The following FUNDC2 variants were observed in gnomAD, a reference collection of about 807,000 sequenced individuals.
The protein encoded by FUNDC2 is FUN14 domain-containing protein 2.
A neutral mutation model predicts 15.6 loss-of-function variants in FUNDC2; 4 were observed. That is an observed-to-expected ratio of 0.26 (90% CI 0.13 to 0.59). FUNDC2 has a LOEUF of 0.59. FUNDC2 is among the 20% of genes least tolerant of loss of function. The pLI is 0.90. For synonymous variants in FUNDC2, 44 were observed against 56.9 expected, an observed-to-expected ratio of 0.77 and a Z score of 1.02; for missense variants, 98 against 149.7, an observed-to-expected ratio of 0.65 and a Z score of 1.80.
At position 155,054,689 on chromosome X, in the gene FUNDC2, T is replaced by C. The variant is rs782008229; in HGVS notation, c.*17T>C. ...GCATCCTAAGGAAGATGACCTCATGTTCATTGTTCCTGGTTTTTTCCAGCC... is the reference window on the plus strand; with the variant it reads ...GCATCCTAAGGAAGATGACCTCATGCTCATTGTTCCTGGTTTTTTCCAGCC... On this transcript the variant is annotated 3_prime_UTR_variant, in exon 5 of 5. Transcript: ENST00000369498. 2 of 1,188,517 alleles carry C rather than the reference T, an allele frequency of 1.7e-6. No individual in the cohort carries two copies. Among genetic ancestry groups the C allele is most frequent in the Admixed American group, 4.3e-5 (2 of 45,993 alleles).
At chrX:155,046,250 T>C (rs1204552714) in intron 2 of FUNDC2, among the ~76,000 whole-genome samples, 7 of 111,012 alleles carry the variant, frequency 6.3e-5, no homozygotes, top group Non-Finnish European at 1.3e-4. Context: ...CCCCCTTTAA[T>C]CTCTTCTCCA....
Position 155,055,566 on chromosome X carries a change from A to G in FUNDC2, c.*894A>G, listed in dbSNP as rs2073891854. 4.0e-6 allele frequency: 1 copy of G among 250,617 alleles called. No individual in the cohort carries two copies. The highest frequency in any genetic ancestry group is 2.8e-5 in the African/African-American group (1 of 35,174). 20.7% of individuals were successfully genotyped at this position (250,617 alleles called of 1,213,427 possible). On this transcript the variant is annotated 3_prime_UTR_variant, in exon 5 of 5. Coordinates refer to ENST00000369498, the MANE Select transcript of FUNDC2 (RefSeq NM_023934.4). Reference sequence around the variant, plus strand: ...AGGACATGAGAAATAAATTTCCATCAAGTGTAATCTACCGTCTCATGATGA... The same window carrying G: ...AGGACATGAGAAATAAATTTCCATCGAGTGTAATCTACCGTCTCATGATGA...
chrX:155,028,119 G>GAGCAGACTGCTCTTATAGAC (rs1569560146), intron 1 of FUNDC2, among the ~76,000 whole-genome samples: 24 of 66,511 alleles, frequency 3.6e-4, no homozygotes, highest in African/African-American at 1.5e-3. Context: ...GCTCTTATAG[G>GAGCAGACTGCTCTTATAGAC]TTGATCAGGT....
In FUNDC2 at chrX:155,056,636, ATCTGGGTC is replaced by A. The variant is rs1477475557; in HGVS notation, c.*1972_*1979del. The A allele has an allele frequency of 1.8e-5, 2 of 110,178 alleles. No homozygotes were observed. Among genetic ancestry groups the A allele is most frequent in the Non-Finnish European group, 3.8e-5 (2 of 52,834 alleles). The allele number at this position is 110,178 out of a possible 1,213,427, so 9.1% of individuals were successfully genotyped here. On this transcript the variant is annotated 3_prime_UTR_variant, in exon 5 of 5. Coordinates refer to ENST00000369498, the MANE Select transcript of FUNDC2 (RefSeq NM_023934.4). The stretch of plus-strand genomic sequence containing the variant: ...TTCCCCACACTCTGCCTCTCCTGAC[ATCTGGGTC>A]TCTGGGTTATGCCATATATGGTGAT...
At chrX:155,034,622 C>A (rs1603438553) in intron 2 of FUNDC2, among the ~76,000 whole-genome samples, 2 of 112,181 alleles carry the variant, frequency 1.8e-5, no homozygotes, top group East Asian at 5.6e-4. Flanking sequence ...AGTTTACAGT[C>A]CCAGCAAGGA....
At position 155,058,545 on chromosome X, in the gene FUNDC2, T is replaced by G. The variant is rs1401753833; in HGVS notation, c.*3873T>G. The G allele has an allele frequency of 9.1e-6, 1 of 110,306 alleles. No homozygotes were observed. The highest frequency in any genetic ancestry group is 3.3e-5 in the African/African-American group (1 of 30,211). The allele number at this position is 110,306 out of a possible 1,213,427, so 9.1% of individuals were successfully genotyped here. The stretch of plus-strand genomic sequence containing the variant: ...TTCTCAGAGGGAAGCTCACAGCCAG[T>G]TTTGGACCCCAGAGAAAAATGTGGC... On this transcript the variant is annotated 3_prime_UTR_variant, in exon 5 of 5. Coordinates refer to ENST00000369498, the MANE Select transcript of FUNDC2 (RefSeq NM_023934.4).
chrX:155,054,583 T>C lies in FUNDC2; in HGVS notation c.493-12T>C. The C allele has an allele frequency of 2.5e-6, 3 of 1,210,906 alleles. No homozygotes were observed. The highest frequency in any genetic ancestry group is 2.2e-6 in the Non-Finnish European group (2 of 894,829). ...TAGCAAAACAACCCATTGTACTATC[T>C]TCTGTTTTCAGGTGGTGTCATTTGT... On this transcript the variant is annotated splice_polypyrimidine_tract_variant and intron_variant, in intron 4 of 4. Coordinates refer to ENST00000369498, the MANE Select transcript of FUNDC2 (RefSeq NM_023934.4).
intron 1 of FUNDC2, among the ~76,000 whole-genome samples, chrX:155,029,427 T>C (rs1424281630): frequency 8.9e-6 from 1 of 112,059 alleles, no homozygotes; most frequent in African/African-American, 3.2e-5. Context: ...TATCTTCATA[T>C]GAATTTTAGA....
At chrX:155,045,771 A>G (rs2073860297) in intron 2 of FUNDC2, among the ~76,000 whole-genome samples, 1 of 111,752 alleles carries the variant, frequency 8.9e-6, no homozygotes, top group African/African-American at 3.3e-5. Context: ...GATTTTTTCA[A>G]CAATGGTTAA....
chrX:155,051,857 T>C (rs2073880551), intron 4 of FUNDC2, 56 bp downstream of exon 4: 2 of 1,145,046 alleles, frequency 1.7e-6, no homozygotes, highest in Non-Finnish European at 2.4e-6. Flanking sequence ...AAAACAGGGC[T>C]TAACCCTATT....
chrX:155,042,593 GTCC>G (rs2088728240), intron 2 of FUNDC2, among the ~76,000 whole-genome samples: 1 of 111,258 alleles, frequency 9.0e-6, no homozygotes, highest in South Asian at 3.7e-4. Context: ...ATTTTTTTCT[GTCC>G]TCCTTCAGTG....
chrX:155,038,087 C>T (rs980096396), intron 2 of FUNDC2, among the ~76,000 whole-genome samples: 1 of 108,107 alleles, frequency 9.3e-6, no homozygotes, highest in Non-Finnish European at 1.9e-5. Context: ...ATTAGCCGGG[C>T]GTGGTGGTAT....
chrX:155,056,287 A>G lies in FUNDC2; in HGVS notation c.*1615A>G, dbSNP rs1305169230. The stretch of plus-strand genomic sequence containing the variant: ...CAGTTATTGTGAAACAAATATCAAA[A>G]TGTCATTTTATCATATTTCAGTATG... On this transcript the variant is annotated 3_prime_UTR_variant, in exon 5 of 5. Coordinates refer to ENST00000369498, the MANE Select transcript of FUNDC2 (RefSeq NM_023934.4). 5.4e-5 allele frequency: 6 copies of G among 111,925 alleles called. No homozygotes were observed. Among genetic ancestry groups the G allele is most frequent in the African/African-American group, 2.0e-4 (6 of 30,742 alleles). The allele number at this position is 111,925 out of a possible 1,213,427, so 9.2% of individuals were successfully genotyped here. A position where few individuals can be genotyped will look rare whatever the true frequency, so the allele number is the denominator to read the frequency against.
chrX:155,039,903 T>A (rs1349004527), intron 2 of FUNDC2, among the ~76,000 whole-genome samples: 2 of 111,965 alleles, frequency 1.8e-5, no homozygotes, highest in Non-Finnish European at 3.8e-5. Flanking sequence ...AATTTTGATG[T>A]GGATTGCATT....
chrX:155,051,264 G>A (rs2073878833), intron 3 of FUNDC2: 1 of 123,663 alleles, frequency 8.1e-6, no homozygotes, highest in Non-Finnish European at 1.7e-5. Context: ...AGTAATAACT[G>A]CCTGAATGCT....
At chrX:155,037,290 A>G (rs782103070) in intron 2 of FUNDC2, among the ~76,000 whole-genome samples, 1 of 111,378 alleles carries the variant, frequency 9.0e-6, no homozygotes, top group Non-Finnish European at 1.9e-5. Flanking sequence ...AAAGCCACTT[A>G]CTAGTTGCAG....
At chrX:155,035,621 T>C (rs2073828485) in intron 2 of FUNDC2, among the ~76,000 whole-genome samples, 1 of 111,928 alleles carries the variant, frequency 8.9e-6, no homozygotes, top group Non-Finnish European at 1.9e-5. Context: ...CTAGATTCTT[T>C]TTAGAAGTGG....
chrX:155,039,079 C>T (rs1001700047), intron 2 of FUNDC2, among the ~76,000 whole-genome samples: 18 of 111,872 alleles, frequency 1.6e-4, no homozygotes, highest in African/African-American at 5.5e-4. Context: ...TTGTGGTTTG[C>T]ATTTTCCTCA....
intron 2 of FUNDC2, among the ~76,000 whole-genome samples, chrX:155,045,384 G>T (rs1199810670): frequency 8.9e-6 from 1 of 112,096 alleles, no homozygotes; most frequent in Non-Finnish European, 1.9e-5. Flanking sequence ...AACTATGTGA[G>T]ATGATAGATA....
Sources: gnomAD v4.1 joint callset for allele counts (sites outside exome capture counted in the v4.1 genomes callset) on GRCh38, gnomAD v4.1.1 for gene constraint, MANE v1.5 for transcripts, NCBI Gene and HGNC (gene_info 2026-07-23, HGNC 2026-07-21) for gene names.